The following GPR35 variants were observed in gnomAD, a reference collection of about 807,000 sequenced individuals.
GPR35 encodes the protein KYNA receptor.
For synonymous variants in GPR35, 207 were observed against 198.4 expected, an observed-to-expected ratio of 1.04 and a Z score of -0.36; for missense variants, 372 against 422.5, an observed-to-expected ratio of 0.88 and a Z score of 1.05.
chr2:240,621,432 T>C (rs2043292806), upstream of GPR35, among the ~76,000 whole-genome samples: 1 of 152,008 alleles, frequency 6.6e-6, no homozygotes, highest in South Asian at 2.1e-4. Context: ...TTTTTGTATT[T>C]TTAGTAGAGA....
chr2:240,611,104 T>G (rs1041433050), intron 2 of GPR35, among the ~76,000 whole-genome samples: 24 of 152,002 alleles, frequency 1.6e-4, no homozygotes, highest in Admixed American at 6.6e-4. Flanking sequence ...AGCTGTGTTT[T>G]TTTGTTTGTT....
Position 240,630,009 on chromosome 2 carries a change from C to G in GPR35, c.57C>G (p.Ile19Met). ...GCGACCTCACCTGGCCCCCAGCGAT[C>G]AAGCTGGGCTTCTACGCCTACTTGG... is the stretch of plus-strand genomic sequence containing the variant. Reference protein sequence around the residue: ...GSSDLTWPPAIKLGFYAYLGV... With the variant: ...GSSDLTWPPAMKLGFYAYLGV... The change falls in exon 2 of 2, where the codon ATC becomes ATG. Residue 19 changes from isoleucine to methionine, a missense_variant. Transcript: ENST00000407714. 1 of 1,612,026 alleles carries G rather than the reference C, an allele frequency of 6.2e-7. No individual in the cohort carries two copies. The highest frequency in any genetic ancestry group is 1.1e-5 in the South Asian group (1 of 91,072).
At chr2:240,610,838 G>A (rs1455438966) in intron 2 of GPR35, among the ~76,000 whole-genome samples, 2 of 150,690 alleles carry the variant, frequency 1.3e-5, no homozygotes, top group African/African-American at 4.9e-5. Flanking sequence ...GCTTCACTGT[G>A]TTAGCCAGGA....
rs555917303 is a variant in GPR35 at position 240,632,301 on chromosome 2, G to A, written c.*1419G>A. 5.6e-4 allele frequency among the ~76,000 whole-genome samples: 83 copies of A among 149,260 alleles called. No individual in the cohort carries two copies. The highest frequency in any genetic ancestry group is 1.7e-3 in the African/African-American group (70 of 40,460). ...AGGGCCCCATGCCCGGGAGAGTCAC[G>A]TGCACAGAGGGCCCTGTGCTCAGGA... is the stretch of plus-strand genomic sequence containing the variant. On this transcript the variant is annotated 3_prime_UTR_variant, in exon 2 of 2. Coordinates refer to ENST00000407714, the MANE Select transcript of GPR35 (RefSeq NM_005301.5).
chr2:240,610,566 TC>T (rs1174549968), intron 2 of GPR35, among the ~76,000 whole-genome samples: 1 of 152,052 alleles, frequency 6.6e-6, no homozygotes, highest in Non-Finnish European at 1.5e-5. Flanking sequence ...ATTCAAGCAA[TC>T]CTCCCATCTC....
intron 2 of GPR35, among the ~76,000 whole-genome samples, chr2:240,616,118 G>C (rs2043234617): frequency 6.6e-6 from 1 of 152,170 alleles, no homozygotes; most frequent in African/African-American, 2.4e-5. Flanking sequence ...CTGCTTGGTA[G>C]TGAGATCATC....
At position 240,614,745 on chromosome 2, in the gene GPR35, G is replaced by A. The variant is rs146570845; in HGVS notation, c.-576-1643G>A. ...CCATGCCCCTGGCTCGGGCTTATGC[G>A]GGCTGACAGTCCTGTCCCTCCACCC... On this transcript the variant is annotated intron_variant, in intron 2 of 5. Transcript: ENST00000319838. Among the ~76,000 whole-genome samples, 163 of 152,312 alleles carry A rather than the reference G, an allele frequency of 1.1e-3. 2 individuals are homozygous for A. Among genetic ancestry groups the A allele is most frequent in the South Asian group, 5.8e-3 (28 of 4,820 alleles).
chr2:240,630,134 A>T lies in GPR35; in HGVS notation c.182A>T (p.Asn61Ile). Residue 61 changes from asparagine to isoleucine, a missense_variant, in exon 2 of 2, where the codon AAC (asparagine) becomes ATC (isoleucine). Transcript: ENST00000407714. ...QWTETRIYMT[N>I]LAVADLCLLC... ...ACGGAGACCCGCATCTACATGACCA[A>T]CCTGGCGGTGGCCGACCTCTGCCTG... 6.2e-7 allele frequency: 1 copy of T among 1,603,326 alleles called. No homozygotes were observed. Among genetic ancestry groups the T allele is most frequent in the Non-Finnish European group, 8.5e-7 (1 of 1,178,466 alleles).
chr2:240,619,342 T>C (rs1056239117), intron 5 of GPR35, among the ~76,000 whole-genome samples: 1 of 152,238 alleles, frequency 6.6e-6, no homozygotes, highest in African/African-American at 2.4e-5. Flanking sequence ...AAGGAGCAAT[T>C]TACATCTCCT....
At chr2:240,610,520 G>T (rs567522109) in intron 2 of GPR35, among the ~76,000 whole-genome samples, 6 of 152,090 alleles carry the variant, frequency 3.9e-5, no homozygotes, top group Non-Finnish European at 8.8e-5. Context: ...GAATACAGTG[G>T]TACCATCAGG....
chr2:240,619,644 G>A (rs1036336882), intron 5 of GPR35, among the ~76,000 whole-genome samples: 1 of 152,236 alleles, frequency 6.6e-6, no homozygotes, highest in Admixed American at 6.5e-5. Context: ...CCCCTTCCTT[G>A]TCCAGCCACT....
Position 240,613,112 on chromosome 2 carries a change from T to C in GPR35, c.-576-3276T>C, listed in dbSNP as rs774531006. Among the ~76,000 whole-genome samples the C allele has an allele frequency of 1.3e-5, 2 of 152,140 alleles. 1 individual carries two copies. The highest frequency in any genetic ancestry group is 4.2e-4 in the South Asian group (2 of 4,808). On this transcript the variant is annotated intron_variant, in intron 2 of 5. Transcript: ENST00000319838. The stretch of plus-strand genomic sequence containing the variant: ...AAGGAGTGAGGCAGAGCCTGATAGC[T>C]CAGGGACCAGCTGGGATGCTCAGTA...
At chr2:240,625,960 G>A (rs1159641584) in intron 1 of GPR35, among the ~76,000 whole-genome samples, 3 of 115,934 alleles carry the variant, frequency 2.6e-5, no homozygotes, top group African/African-American at 5.7e-5. Context: ...TCTCAGAGCA[G>A]GGTGAGGCTG....
At chr2:240,619,265 A>G (rs1032275723) in intron 5 of GPR35, among the ~76,000 whole-genome samples, 1 of 152,076 alleles carries the variant, frequency 6.6e-6, no homozygotes, top group Non-Finnish European at 1.5e-5. Context: ...TTCTCTTTTT[A>G]TGATCGTTTT....
rs143712491 is a variant in GPR35, at chr2:240,630,358, G to T, written c.406G>T (p.Val136Leu). The T allele has an allele frequency of 3.7e-6, 6 of 1,606,176 alleles. No individual in the cohort carries two copies. Among genetic ancestry groups the T allele is most frequent in the Non-Finnish European group, 5.1e-6 (6 of 1,178,856 alleles). The change falls in exon 2 of 2, where the codon GTG becomes TTG. Residue 136 changes from valine to leucine, a missense_variant. Physicochemically the swap from Val to Leu is conservative, Grantham distance 32. Transcript: ENST00000407714. ...GLRSPRQAAA[V>L]CAVLWVLVIG... ...GCGGTCCCCCAGGCAGGCTGCGGCCGTGTGCGCGGTCCTCTGGGTGCTGGT... is the reference window on the plus strand; with the variant it reads ...GCGGTCCCCCAGGCAGGCTGCGGCCTTGTGCGCGGTCCTCTGGGTGCTGGT...
At chr2:240,614,834 A>G (rs1291177661) in intron 2 of GPR35, among the ~76,000 whole-genome samples, 2 of 152,034 alleles carry the variant, frequency 1.3e-5, no homozygotes, top group Non-Finnish European at 2.9e-5. Context: ...GCATGTGTGT[A>G]TGTTGTATGT....
At chr2:240,619,031 T>C in exon 5 of GPR35, 2 of 702,446 alleles carry the variant, frequency 2.8e-6, no homozygotes, top group Non-Finnish European at 5.2e-6. Flanking sequence ...TGCGTCTCTC[T>C]GTGAGTACAT....
intron 2 of GPR35, among the ~76,000 whole-genome samples, chr2:240,610,836 G>C (rs1389171745): frequency 6.6e-6 from 1 of 150,582 alleles, no homozygotes; most frequent in Non-Finnish European, 1.5e-5. Context: ...GGGCTTCACT[G>C]TGTTAGCCAG....
Position 240,631,101 on chromosome 2 carries a change from C to A in GPR35, c.*219C>A. On this transcript the variant is annotated 3_prime_UTR_variant, in exon 2 of 2. Transcript: ENST00000407714. ...CAAGAGGACTGAGGCCAGAGCAAGG[C>A]CAATGTCAGAGACCCCCGGGATGGG... is the stretch of plus-strand genomic sequence containing the variant. 2 of 590,838 alleles carry A rather than the reference C, an allele frequency of 3.4e-6. No homozygotes were observed. Among genetic ancestry groups the A allele is most frequent in the Non-Finnish European group, 3.1e-6 (1 of 323,886 alleles). The allele number at this position is 590,838 out of a possible 1,614,324, so 36.6% of individuals were successfully genotyped here. A position where few individuals can be genotyped will look rare whatever the true frequency, so the allele number is the denominator to read the frequency against.
Sources: gnomAD v4.1 joint callset for allele counts (sites outside exome capture counted in the v4.1 genomes callset) on GRCh38, gnomAD v4.1.1 for gene constraint, MANE v1.5 for transcripts, NCBI Gene and HGNC (gene_info 2026-07-23, HGNC 2026-07-21) for gene names.